ZBED6: variants seen among roughly 807,000 people sequenced by gnomAD.
ZBED6 encodes zinc finger BED-type containing 6, also known as zinc finger BED domain-containing protein 6.
In ZBED6, 40 loss-of-function variants were observed where a neutral mutation model predicts 58.4. The observed-to-expected ratio is 0.68, with a 90% CI of 0.53 to 0.89. The LOEUF (loss-of-function observed/expected upper bound fraction) is 0.89, where lower values mean the gene tolerates loss of function less well. ZBED6 is among the 40% of genes least tolerant of loss of function. The pLI, the probability that ZBED6 is intolerant of heterozygous loss-of-function variation, is 0.00. For missense variants in ZBED6, 1,057 were observed against 1,003.9 expected (o/e 1.05, Z -0.71); for synonymous variants, 439 against 350.6 (o/e 1.25, Z -2.82).
intron 8 of ZBED6, among the ~76,000 whole-genome samples, chr1:203,832,341 G>A (rs1682656360): frequency 1.3e-5 from 2 of 151,988 alleles, no homozygotes; most frequent in Non-Finnish European, 2.9e-5. Flanking sequence ...GATTACAGGT[G>A]TGAGCCACCG....
At chr1:203,851,815 TAAAA>T (rs111499575) in intron 16 of ZBED6, among the ~76,000 whole-genome samples, 1 of 147,220 alleles carries the variant, frequency 6.8e-6, no homozygotes. Flanking sequence ...ATCAAAGAAA[TAAAA>T]AAAAAATCAC....
intron 1 of ZBED6, chr1:203,805,732 T>C: frequency 4.5e-6 from 3 of 665,916 alleles, no homozygotes; most frequent in Non-Finnish European, 8.6e-6. Context: ...CTCATCTAAA[T>C]AGAACTCTTG....
At chr1:203,798,511 A>G in exon 1 of ZBED6, 1 of 1,536,130 alleles carries the variant, frequency 6.5e-7, no homozygotes, top group South Asian at 1.2e-5. Context: ...GCTGTTGCAA[A>G]TGGATTAGAT....
intron 9 of ZBED6, chr1:203,835,879 CA>C: frequency 8.1e-6 from 2 of 246,682 alleles, no homozygotes; most frequent in Non-Finnish European, 8.8e-6. Flanking sequence ...TTATAGCCAG[CA>C]AAAATGCCCT....
intron 3 of ZBED6, among the ~76,000 whole-genome samples, chr1:203,821,058 G>A (rs1044633534): frequency 2.0e-5 from 3 of 152,026 alleles, no homozygotes; most frequent in Non-Finnish European, 2.9e-5. Flanking sequence ...CACCTCTATC[G>A]TAATCCCCAT....
intron 1 of ZBED6, among the ~76,000 whole-genome samples, chr1:203,804,323 T>C (rs969831658): frequency 1.3e-5 from 2 of 152,022 alleles, no homozygotes; most frequent in Admixed American, 6.6e-5. Flanking sequence ...GGCTAACTTT[T>C]TTGTATTTTT....
At chr1:203,837,456 T>G (rs78861688) in intron 9 of ZBED6, among the ~76,000 whole-genome samples, 2 of 148,758 alleles carry the variant, frequency 1.3e-5, no homozygotes, top group Non-Finnish European at 3.0e-5. Context: ...TTGTCTCTCT[T>G]TTTTTTTTTT....
At chr1:203,797,531 A>G in exon 1 of ZBED6, 1 of 1,512,922 alleles carries the variant, frequency 6.6e-7, no homozygotes, top group Non-Finnish European at 8.8e-7. Flanking sequence ...GAATGAGTGT[A>G]TGTACTCTAA....
chr1:203,842,381 G>A (rs567959897), intron 11 of ZBED6, among the ~76,000 whole-genome samples: 3 of 152,306 alleles, frequency 2.0e-5, no homozygotes, highest in East Asian at 1.9e-4. Flanking sequence ...CAGATCACTC[G>A]CGGTCAGGAG....
intron 1 of ZBED6, chr1:203,805,686 G>A (rs1482024574): frequency 3.0e-6 from 2 of 672,020 alleles, no homozygotes; most frequent in Non-Finnish European, 5.7e-6. Flanking sequence ...TTGTGACAGT[G>A]GGAACACCTT....
intron 13 of ZBED6, 84 bp from the exon 14 acceptor site, chr1:203,849,627 A>T: frequency 7.7e-7 from 1 of 1,298,264 alleles, no homozygotes; most frequent in Non-Finnish European, 1.1e-6. Context: ...GATTCTGCTT[A>T]ACTTAGATGT....
chr1:203,803,392 T>C (rs746001517), intron 1 of ZBED6, among the ~76,000 whole-genome samples: 2 of 151,964 alleles, frequency 1.3e-5, no homozygotes, highest in Non-Finnish European at 2.9e-5. Context: ...AGTTTCACCA[T>C]CTTGGCCAGG....
chr1:203,837,290 C>A (rs368762388), intron 9 of ZBED6, among the ~76,000 whole-genome samples: 237 of 141,352 alleles, frequency 1.7e-3, no homozygotes, highest in Admixed American at 1.6e-3. Context: ...GATCCTGTCT[C>A]AAAAAAAAAA....
At chr1:203,832,478 AG>A (rs1218845583) in intron 8 of ZBED6, among the ~76,000 whole-genome samples, 1 of 151,814 alleles carries the variant, frequency 6.6e-6, no homozygotes, top group Admixed American at 6.6e-5. Flanking sequence ...CTCCTGCTTC[AG>A]CCTCCCCAGT....
intron 9 of ZBED6, among the ~76,000 whole-genome samples, chr1:203,836,093 T>A (rs921348527): frequency 2.6e-5 from 4 of 152,040 alleles, no homozygotes; most frequent in Non-Finnish European, 5.9e-5. Flanking sequence ...TAGAAAAAAA[T>A]AATACTAAGC....
chr1:203,807,176 T>C (rs552175959), intron 1 of ZBED6, among the ~76,000 whole-genome samples: 87 of 152,248 alleles, frequency 5.7e-4, no homozygotes, highest in African/African-American at 1.9e-3. Context: ...TTCCTGACCA[T>C]GTTACTATTT....
chr1:203,851,187 A>C, intron 16 of ZBED6, 63 bp downstream of exon 16: 1 of 1,397,862 alleles, frequency 7.2e-7, no homozygotes, highest in South Asian at 1.2e-5. Context: ...GGCTCTCTAG[A>C]GAATAACACT....
exon 1 of ZBED6, chr1:203,797,894 T>C (rs1222165967): frequency 5.2e-6 from 8 of 1,535,980 alleles, no homozygotes; most frequent in African/African-American, 4.1e-5. Context: ...AACAGATCTA[T>C]CTACCTAGTA....
exon 1 of ZBED6, chr1:203,798,700 G>A (rs140585450): frequency 1.1e-4 from 167 of 1,536,084 alleles, no homozygotes; most frequent in African/African-American, 3.6e-4. Context: ...ACTCTGATGC[G>A]TGCGCAGGAG....
Sources: allele counts gnomAD v4.1 joint callset (sites outside exome capture counted in the v4.1 genomes callset), GRCh38; gene constraint gnomAD v4.1.1; transcripts MANE v1.5; gene names NCBI Gene and HGNC (gene_info 2026-07-23, HGNC 2026-07-21).